Variants in PDE1A observed in about 807,000 individuals in gnomAD.
PDE1A encodes the protein phosphodiesterase 1A.
Under a neutral mutation model 61.7 loss-of-function variants are expected in PDE1A, and 35 were observed. The observed-to-expected ratio is 0.57, with a 90% CI of 0.43 to 0.75. PDE1A has a LOEUF of 0.75. Among genes scored for constraint, PDE1A ranks in the 30% least tolerant of loss-of-function variants. The pLI is 0.00. For synonymous variants in PDE1A, 232 were observed against 213.2 expected (o/e 1.09, Z -0.77); for missense variants, 597 against 630.6 (o/e 0.95, Z 0.57).
the PDE1A span, among the ~76,000 whole-genome samples, chr2:182,561,865 A>G: frequency 2.6e-5 from 4 of 151,952 alleles, no homozygotes; most frequent in Admixed American, 2.6e-4. Flanking sequence ...TTTGTCTGTT[A>G]TTCGTGTATA....
At chr2:182,169,374 A>G (rs1302963562) in intron 13 of PDE1A, among the ~76,000 whole-genome samples, 1 of 152,140 alleles carries the variant, frequency 6.6e-6, no homozygotes, top group East Asian at 1.9e-4. Context: ...CAAATGTGGC[A>G]TGGATTTTGT....
intron 1 of PDE1A, among the ~76,000 whole-genome samples, chr2:182,295,055 A>ATATTTTTTTTTTT (rs1559306033): frequency 2.6e-5 from 2 of 76,776 alleles, no homozygotes; most frequent in Non-Finnish European, 5.5e-5. Context: ...ATAAAAGGTA[A>ATATTTTTTTTTTT]TCTTTTTTTT....
the PDE1A span, among the ~76,000 whole-genome samples, chr2:182,700,948 G>T: frequency 6.6e-6 from 1 of 151,924 alleles, no homozygotes; most frequent in African/African-American, 2.4e-5. Context: ...TTCATTAAAT[G>T]CATGTCCTAA....
At chr2:182,597,502 T>C in the PDE1A span, among the ~76,000 whole-genome samples, 4 of 151,950 alleles carry the variant, frequency 2.6e-5, no homozygotes, top group Admixed American at 6.6e-5. Context: ...GGACAGGGCA[T>C]GAGAGCTGAG....
intron 2 of PDE1A, among the ~76,000 whole-genome samples, chr2:182,452,003 T>G (rs967110010): frequency 1.3e-5 from 2 of 152,104 alleles, no homozygotes; most frequent in African/African-American, 4.8e-5. Context: ...AGTTTGTTTA[T>G]TGTTCTGATT....
chr2:182,174,033 A>T (rs1394321449), intron 13 of PDE1A, among the ~76,000 whole-genome samples: 1 of 152,060 alleles, frequency 6.6e-6, no homozygotes, highest in Non-Finnish European at 1.5e-5. Context: ...CTGGCAAATA[A>T]AAACATGTGC....
intron 10 of PDE1A, among the ~76,000 whole-genome samples, chr2:182,191,914 G>A (rs1175412371): frequency 6.6e-6 from 1 of 151,126 alleles, no homozygotes; most frequent in African/African-American, 2.4e-5. Context: ...GGAGTGCAAT[G>A]GCGCAATCTT....
At chr2:182,369,891 T>C (rs1325402198) in intron 1 of PDE1A, among the ~76,000 whole-genome samples, 1 of 152,170 alleles carries the variant, frequency 6.6e-6, no homozygotes, top group African/African-American at 2.4e-5. Flanking sequence ...AGGAGTTTCA[T>C]TGGCTGGGCG....
intron 1 of PDE1A, among the ~76,000 whole-genome samples, chr2:182,264,867 G>GTATATATA (rs1216416384): frequency 1.8e-4 from 6 of 34,140 alleles, no homozygotes; most frequent in African/African-American, 4.1e-4. Context: ...AGAAAATGTG[G>GTATATATA]TATATATATA....
chr2:182,700,842 G>C, the PDE1A span, among the ~76,000 whole-genome samples: 3 of 151,672 alleles, frequency 2.0e-5, no homozygotes, highest in Non-Finnish European at 4.4e-5. Flanking sequence ...GCTTGAATCT[G>C]GAAGGCAGAG....
At chr2:182,431,077 G>A (rs1703921253), upstream of PDE1A, among the ~76,000 whole-genome samples, 1 of 131,492 alleles carries the variant, frequency 7.6e-6, no homozygotes, top group Non-Finnish European at 1.6e-5. Context: ...TGCACAATGT[G>A]CACATGTACC....
chr2:182,169,922 G>GCGCACACA (rs1166127939), intron 13 of PDE1A, among the ~76,000 whole-genome samples: 6 of 87,666 alleles, frequency 6.8e-5, no homozygotes, highest in East Asian at 2.9e-4. Flanking sequence ...ACACACACAC[G>GCGCACACA]CACACACACA....
At chr2:182,662,230 C>CA in the PDE1A span, among the ~76,000 whole-genome samples, 102,800 of 147,078 alleles carry the variant, frequency 0.7, 35,617 homozygotes, top group Middle Eastern at 0.77. Context: ...TTGAAATATC[C>CA]AAAAAAAAGT....
At chr2:182,261,948 C>T (rs1195119083) in intron 2 of PDE1A, among the ~76,000 whole-genome samples, 3 of 152,006 alleles carry the variant, frequency 2.0e-5, no homozygotes, top group African/African-American at 7.2e-5. Context: ...TTGAATAAAT[C>T]TTAAACCTGT....
intron 2 of PDE1A, among the ~76,000 whole-genome samples, chr2:182,450,274 A>C (rs1415483246): frequency 6.6e-6 from 1 of 152,158 alleles, no homozygotes; most frequent in Non-Finnish European, 1.5e-5. Context: ...AACAAAATTT[A>C]CTAACCAGAG....
the PDE1A span, among the ~76,000 whole-genome samples, chr2:182,602,603 C>T: frequency 0.16 from 23,587 of 152,122 alleles, 2,111 homozygotes; most frequent in African/African-American, 0.24. Flanking sequence ...TTAAACTGTA[C>T]ACTGTACTAT....
intron 1 of PDE1A, among the ~76,000 whole-genome samples, chr2:182,327,451 T>C (rs540447829): frequency 6.6e-6 from 1 of 152,300 alleles, no homozygotes; most frequent in East Asian, 1.9e-4. Context: ...GAGGTCAGCA[T>C]GGCCGGAGCA....
chr2:182,645,086 C>T, the PDE1A span, among the ~76,000 whole-genome samples: 16 of 150,818 alleles, frequency 1.1e-4, no homozygotes, highest in Admixed American at 9.9e-4. Flanking sequence ...CCTGGGTTTA[C>T]GCCATTCTCC....
downstream of PDE1A, among the ~76,000 whole-genome samples, chr2:182,143,917 T>A (rs1251563021): frequency 1.3e-5 from 2 of 152,162 alleles, no homozygotes; most frequent in African/African-American, 4.8e-5. Flanking sequence ...TGTATGTGTG[T>A]GTGTTCAATT....
Sources: allele counts gnomAD v4.1 joint callset (sites outside exome capture counted in the v4.1 genomes callset), GRCh38; gene constraint gnomAD v4.1.1; transcripts MANE v1.5; gene names NCBI Gene and HGNC (gene_info 2026-07-23, HGNC 2026-07-21).